MCM4: variants seen among roughly 807,000 people sequenced by gnomAD.
The protein encoded by MCM4 is minichromosome maintenance complex component 4.
MCM4 carries 60 observed loss-of-function variants against 88.7 expected under a neutral mutation model. The ratio of observed to expected loss-of-function variants is 0.68; its 90% confidence interval spans 0.55 to 0.84. MCM4 has a LOEUF of 0.84. MCM4 is among the 40% of genes least tolerant of loss of function. The pLI, the probability that MCM4 is intolerant of heterozygous loss-of-function variation, is 0.00. For missense variants in MCM4, 1,149 were observed against 1,105.5 expected (o/e 1.04, Z -0.56); for synonymous variants, 465 against 410.5 (o/e 1.13, Z -1.61).
At chr8:47,964,309 T>C (rs2090876768) in intron 7 of MCM4, among the ~76,000 whole-genome samples, 1 of 152,230 alleles carries the variant, frequency 6.6e-6, no homozygotes, top group African/African-American at 2.4e-5. Flanking sequence ...AAAATCTTTT[T>C]CCCTTCTAAT....
intron 10 of MCM4, chr8:47,968,908 C>G (rs2154505256): frequency 6.6e-6 from 1 of 150,630 alleles, no homozygotes; most frequent in South Asian, 2.1e-4. Flanking sequence ...GATTTGCATG[C>G]TTTTGTCGGG....
intron 7 of MCM4, among the ~76,000 whole-genome samples, chr8:47,963,489 A>T (rs1262001050): frequency 6.6e-6 from 1 of 152,108 alleles, no homozygotes; most frequent in Non-Finnish European, 1.5e-5. Context: ...CTCCTTTAAG[A>T]TGAACATTTT....
At position 47,961,233 on chromosome 8, in the gene MCM4, G is replaced by GCCCACTACAGCCCCCGGCGCCGCC; in HGVS notation, c.70+22_70+45dup. ...CAGACGCGTGAGTCCCCCGAGCCGG[G>GCCCACTACAGCCCCCGGCGCCGCC]CCCACTACAGCCCCCGGCGCCGCCC... is the stretch of plus-strand genomic sequence containing the variant. On this transcript the variant is annotated intron_variant, in intron 2 of 16. Transcript: ENST00000649973. 6.8e-7 allele frequency: 1 copy of GCCCACTACAGCCCCCGGCGCCGCC among 1,480,022 alleles called. No homozygotes were observed. Among genetic ancestry groups the GCCCACTACAGCCCCCGGCGCCGCC allele is most frequent in the South Asian group, 1.3e-5 (1 of 77,866 alleles). 91.7% of individuals were successfully genotyped at this position (1,480,022 alleles called of 1,614,324 possible). A position where few individuals can be genotyped will look rare whatever the true frequency, so the allele number is the denominator to read the frequency against.
At position 47,975,745 on chromosome 8, in the gene MCM4, A is replaced by C. The variant is rs775004562; in HGVS notation, c.2396A>C (p.Glu799Ala). ...AGTGCCACCTCTCGTAAACGGAAAG[A>C]AGAATTAGCTGAAGCATTGAAAAAG... ...GMSATSRKRK[E>A]ELAEALKKLI... The change falls in exon 16 of 17, where the codon GAA becomes GCA. Residue 799 changes from glutamate (E) to alanine (A), a missense_variant. Coordinates refer to ENST00000649973, the MANE Select transcript of MCM4 (RefSeq NM_182746.3). 4 of 1,578,702 alleles carry C rather than the reference A, an allele frequency of 2.5e-6. No individual in the cohort carries two copies. Among genetic ancestry groups the C allele is most frequent in the African/African-American group, 1.4e-5 (1 of 72,984 alleles).
rs773644335 is a variant in MCM4, at chr8:47,961,578, A to G, written c.133A>G (p.Thr45Ala). 1.9e-6 allele frequency: 3 copies of G among 1,614,162 alleles called. No individual in the cohort carries two copies. Among genetic ancestry groups the G allele is most frequent in the Non-Finnish European group, 2.5e-6 (3 of 1,180,024 alleles). The change falls in exon 3 of 17, where the codon ACG becomes GCG. Residue 45 changes from threonine (T) to alanine (A), a missense_variant. This residue lies in a region of MCM4 where 906 missense variants were observed against 843.0 expected (regional missense o/e 1.07). Transcript: ENST00000649973. The part of the protein sequence containing the change: ...QRRRGEDSTS[T>A]GELQPMPTSP... ...ACGTAGAGGCGAGGATTCCACCTCC[A>G]CGGGGGAGTTGCAGCCGATGCCAAC...
chr8:47,971,190 GTGAACTGC>G, intron 12 of MCM4, 143 bp from the exon 13 acceptor site: 3 of 845,158 alleles, frequency 3.5e-6, no homozygotes, highest in Non-Finnish European at 5.5e-6. Context: ...GCTTATCCAG[GTGAACTGC>G]TGAAGTCAGT....
At chr8:47,969,074 G>C (rs1420599299) in intron 10 of MCM4, 3 of 152,274 alleles carry the variant, frequency 2.0e-5, no homozygotes, top group African/African-American at 4.8e-5. Flanking sequence ...CCAGCATTGA[G>C]CTAGAAGCAC....
At chr8:47,971,237 C>A in intron 12 of MCM4, 104 bp from the exon 13 acceptor site, 1 of 1,365,274 alleles carries the variant, frequency 7.3e-7, no homozygotes, top group Non-Finnish European at 1.0e-6. Flanking sequence ...GCAATAGAAA[C>A]TCAGTGGAGG....
intron 8 of MCM4, 65 bp from the exon 9 acceptor site, chr8:47,966,122 T>C (rs2090895852): frequency 7.4e-7 from 1 of 1,354,390 alleles, no homozygotes; most frequent in Admixed American, 1.7e-5. Context: ...CTGTCTGTGA[T>C]CCCAGCTATT....
At position 47,974,959 on chromosome 8, in the gene MCM4, A is replaced by G. The variant is rs2090989164; in HGVS notation, c.2362A>G (p.Thr788Ala). 3 of 1,606,790 alleles carry G rather than the reference A, an allele frequency of 1.9e-6. No homozygotes were observed. Among genetic ancestry groups the G allele is most frequent in the Non-Finnish European group, 2.6e-6 (3 of 1,175,282 alleles). Residue 788 changes from threonine (T) to alanine (A), a missense_variant, in exon 15 of 17, where the codon ACG becomes GCG. Physicochemically the swap from Thr to Ala is moderately conservative, Grantham distance 58. Transcript: ENST00000649973. ...CATCGTGGACATATCTATTCTTACT[A>G]CGGGTTCGTTATTTTCAGTGAACAG... ...TGIVDISILT[T>A]GMSATSRKRK...
rs2090969326 is a variant in MCM4, at chr8:47,973,003, C to T, written c.2075C>T (p.Ala692Val). The T allele has an allele frequency of 6.2e-7, 1 of 1,614,084 alleles. No individual in the cohort carries two copies. Among genetic ancestry groups the T allele is most frequent in the Non-Finnish European group, 8.5e-7 (1 of 1,180,016 alleles). ...ATGGCGGTGCTAAAGGACTACATTG[C>T]CTACGCGCACAGCACCATCATGCCG... ...LDMAVLKDYI[A>V]YAHSTIMPRL... Residue 692 changes from alanine (A) to valine (V), a missense_variant, in exon 14 of 17, where the codon GCC becomes GTC. This residue lies in a region of MCM4 where 238 missense variants were observed against 241.6 expected (regional missense o/e 0.99). Transcript: ENST00000649973.
chr8:47,974,688 T>C (rs1322497572), intron 14 of MCM4, 46 bp from the exon 15 acceptor site: 23 of 1,494,782 alleles, frequency 1.5e-5, no homozygotes, highest in Non-Finnish European at 2.1e-5. Context: ...ACTAAAGTTG[T>C]CACCAAGGAG....
At position 47,964,691 on chromosome 8, in the gene MCM4, A is replaced by G. The variant is rs764420223; in HGVS notation, c.811A>G (p.Met271Val). The G allele has an allele frequency of 2.0e-5, 31 of 1,569,412 alleles. 1 individual carries two copies. The South Asian group carries it at 3.3e-4, about 16-fold the overall frequency. The change falls in exon 8 of 17, where the codon ATG becomes GTG. Residue 271 changes from methionine to valine, a missense_variant. Physicochemically the swap from Met to Val is conservative, Grantham distance 21. Coordinates refer to ENST00000649973, the MANE Select transcript of MCM4 (RefSeq NM_182746.3). ...RPFNALKTKN[M>V]RNLNPEDIDQ... ...ATTCAACGCATTGAAGACTAAGAATATGAGAAACCTGAATCCAGAAGGTAA... is the reference window on the plus strand; with the variant it reads ...ATTCAACGCATTGAAGACTAAGAATGTGAGAAACCTGAATCCAGAAGGTAA...
chr8:47,976,926 A>G lies in MCM4; in HGVS notation c.*148A>G, dbSNP rs117499589. The G allele has an allele frequency of 1.8e-3, 1,005 of 557,336 alleles. 22 individuals carry two copies. The East Asian group carries it at 0.029, about 16-fold the overall frequency. The allele number at this position is 557,336 out of a possible 1,614,324, so 34.5% of individuals were successfully genotyped here. ...AAAAATTTTCTAACTTGGGTTCAAT[A>G]TTTGTAGTGAAGTATCTGTTTTCAT... is the stretch of plus-strand genomic sequence containing the variant. On this transcript the variant is annotated 3_prime_UTR_variant, in exon 17 of 17. Transcript: ENST00000649973.
chr8:47,967,633 T>A lies in MCM4; in HGVS notation c.1174+148T>A. 4.1e-6 allele frequency: 4 copies of A among 985,888 alleles called. No individual in the cohort carries two copies. In the South Asian group the frequency reaches 6.3e-5, roughly 15 times the overall value. 61.1% of individuals were successfully genotyped at this position (985,888 alleles called of 1,614,324 possible). Reference sequence around the variant, plus strand: ...TGAGACTGTGGGGTATATCCCTGCTTTATCTGCCACCTTTTTAACTGAGTA... The same window carrying A: ...TGAGACTGTGGGGTATATCCCTGCTATATCTGCCACCTTTTTAACTGAGTA... On this transcript the variant is annotated intron_variant, in intron 10 of 16. Transcript: ENST00000649973.
intron 12 of MCM4, 151 bp downstream of exon 12, chr8:47,971,027 CAT>C (rs1309473460): frequency 9.9e-7 from 1 of 1,012,980 alleles, no homozygotes; most frequent in Non-Finnish European, 1.4e-6. Context: ...TAAATCTCAA[CAT>C]GTCTTCTACA....
At chr8:47,974,092 A>T (rs928577571) in intron 14 of MCM4, 1 of 152,270 alleles carries the variant, frequency 6.6e-6, no homozygotes. Flanking sequence ...GCTGAAGTGC[A>T]TGATGGCACA....
intron 14 of MCM4, chr8:47,974,253 G>C (rs536482974): frequency 6.5e-6 from 1 of 154,990 alleles, no homozygotes; most frequent in Admixed American, 6.3e-5. Context: ...TGTTAATGAA[G>C]AAATAAGACT....
intron 9 of MCM4, among the ~76,000 whole-genome samples, 157 bp from the exon 10 acceptor site, chr8:47,967,208 G>C (rs967673939): frequency 1.3e-5 from 2 of 152,230 alleles, no homozygotes; most frequent in African/African-American, 4.8e-5. Context: ...TTCTTTAGAA[G>C]AAGTAATTTC....
Sources: allele counts gnomAD v4.1 joint callset (sites outside exome capture counted in the v4.1 genomes callset), GRCh38; gene constraint gnomAD v4.1.1; regional missense constraint gnomAD v4.1.1; transcripts MANE v1.5; gene names NCBI Gene and HGNC (gene_info 2026-07-23, HGNC 2026-07-21).